Variants in MAN2C1 observed in about 807,000 individuals in gnomAD.
MAN2C1 encodes the protein alpha-mannosidase 2C1.
In MAN2C1, 111 loss-of-function variants were observed where a neutral mutation model predicts 126.9. The ratio of observed to expected loss-of-function variants is 0.87; its 90% confidence interval spans 0.75 to 1.02. The LOEUF (loss-of-function observed/expected upper bound fraction) is 1.02. Ranked by LOEUF, MAN2C1 falls within the 50% of genes least tolerant of loss-of-function variation. MAN2C1 has a pLI of 0.00. For synonymous variants in MAN2C1, 567 were observed against 561.5 expected, an observed-to-expected ratio of 1.01 and a Z score of -0.14; for missense variants, 1,363 against 1,364.4, an observed-to-expected ratio of 1.00 and a Z score of 0.02.
chr15:75,356,837 G>A lies in MAN2C1; in HGVS notation c.2613C>T (p.Cys871=). 6.2e-7 allele frequency: 1 copy of A among 1,614,126 alleles called. No homozygotes were observed. The highest frequency in any genetic ancestry group is 8.5e-7 in the Non-Finnish European group (1 of 1,180,046). ...HGFGLALLND[C]KYGASVRGSI... is the part of the protein sequence containing the mutation. ...TGCCTCGCACTGACGCGCCATACTT[G>A]CAGTCGTTGAGCAGGGCCAGCCCAA... Residue 871 remains cysteine, a synonymous_variant, in exon 22 of 26, where the codon TGC becomes TGT. Coordinates refer to ENST00000267978, the MANE Select transcript of MAN2C1 (RefSeq NM_006715.4). The surrounding 1 kb of genome is among the most constrained non-coding windows in gnomAD (Gnocchi z 5.8).
intron 20 of MAN2C1, 22 bp from the exon 21 acceptor site, chr15:75,358,366 G>C: frequency 1.9e-6 from 3 of 1,613,972 alleles, no homozygotes; most frequent in Non-Finnish European, 2.5e-6. Flanking sequence ...AAGGAGGGTG[G>C]GAGTCAGGGA....
At chr15:75,357,746 AG>A (rs2072364273) in intron 21 of MAN2C1, 1 of 172,484 alleles carries the variant, frequency 5.8e-6, no homozygotes, top group Non-Finnish European at 1.3e-5. Context: ...CAGCCTCCCA[AG>A]TAGCTGGGAC....
chr15:75,362,564 C>T lies in MAN2C1; in HGVS notation c.897+78G>A. On this transcript the variant is annotated intron_variant, in intron 7 of 25. Transcript: ENST00000267978. The surrounding 1 kb of genome is among the most constrained non-coding windows in gnomAD (Gnocchi z 4.5). ...GGTGAGGAGCAGCCCTGACCCCAGG[C>T]CTGGGAAGCCTTCAGGGCCTGTGGA... The T allele has an allele frequency of 6.5e-7, 1 of 1,543,806 alleles. No homozygotes were observed. The highest frequency in any genetic ancestry group is 1.1e-5 in the South Asian group (1 of 87,694).
rs2072486837 is a variant in MAN2C1 at position 75,362,324 on chromosome 15, G to A, written c.1008+19C>T. 6.2e-7 allele frequency: 1 copy of A among 1,603,098 alleles called. No homozygotes were observed. ...TGTTGTCATACAGTTCAAGGCTGAG[G>A]AGTGCCCAGTGCACTTACCATCTCC... On this transcript the variant is annotated intron_variant, in intron 8 of 25. Coordinates refer to ENST00000267978, the MANE Select transcript of MAN2C1 (RefSeq NM_006715.4). The surrounding 1 kb of genome is among the most constrained non-coding windows in gnomAD (Gnocchi z 4.5).
At chr15:75,358,022 T>C in intron 21 of MAN2C1, 179 bp downstream of exon 21, 1 of 753,070 alleles carries the variant, frequency 1.3e-6, no homozygotes. Context: ...CCCAAAGTGC[T>C]GGAATTACAG....
At chr15:75,358,372 A>T (rs1436490581) in intron 20 of MAN2C1, 28 bp from the exon 21 acceptor site, 1 of 1,613,922 alleles carries the variant, frequency 6.2e-7, no homozygotes, top group Admixed American at 1.7e-5. Context: ...GGTGGGAGTC[A>T]GGGAAGGAAG....
rs2072494956 is a variant in MAN2C1 at position 75,362,545 on chromosome 15, G to A, written c.898-92C>T. On this transcript the variant is annotated intron_variant, in intron 7 of 25. Coordinates refer to ENST00000267978, the MANE Select transcript of MAN2C1 (RefSeq NM_006715.4). This position sits in a 1 kb window ranked among gnomAD's most constrained non-coding sequence, Gnocchi z 4.5. ...GACTCAGTGTGTGGCTGAGGGTGAGGAGCAGCCCTGACCCCAGGCCTGGGA... is the reference window on the plus strand; with the variant it reads ...GACTCAGTGTGTGGCTGAGGGTGAGAAGCAGCCCTGACCCCAGGCCTGGGA... 17 of 1,518,602 alleles carry A rather than the reference G, an allele frequency of 1.1e-5. No homozygotes were observed. Among genetic ancestry groups the A allele is most frequent in the Middle Eastern group, 1.8e-4 (1 of 5,566 alleles). The allele number at this position is 1,518,602 out of a possible 1,614,324, so 94.1% of individuals were successfully genotyped here. A position where few individuals can be genotyped will look rare whatever the true frequency, so the allele number is the denominator to read the frequency against.
In MAN2C1 at chr15:75,368,120, G is replaced by A; in HGVS notation, c.180C>T (p.Val60=). Residue 60 remains valine (V), a synonymous_variant, in exon 2 of 26, where the codon GTC becomes GTT. Transcript: ENST00000267978. ...TPERLPYQEA[V]QRDFRPAQVG... is the part of the protein sequence containing the mutation. ...CCTGCGCGGGGCGGAAGTCCCGCTG[G>A]ACTGCCTCCTGGTAGGGAAGTCTCT... 2.5e-6 allele frequency: 4 copies of A among 1,607,190 alleles called. No individual in the cohort carries two copies. The highest frequency in any genetic ancestry group is 3.4e-6 in the Non-Finnish European group (4 of 1,177,764).
chr15:75,362,542 G>A lies in MAN2C1; in HGVS notation c.898-89C>T, dbSNP rs1053630672. 2.6e-6 allele frequency: 4 copies of A among 1,514,594 alleles called. No individual in the cohort carries two copies. In the African/African-American group the frequency reaches 4.1e-5, roughly 16 times the overall value. 93.8% of individuals were successfully genotyped at this position (1,514,594 alleles called of 1,614,324 possible). On this transcript the variant is annotated intron_variant, in intron 7 of 25. Coordinates refer to ENST00000267978, the MANE Select transcript of MAN2C1 (RefSeq NM_006715.4). The surrounding 1 kb of genome is among the most constrained non-coding windows in gnomAD (Gnocchi z 4.5). ...TGGGACTCAGTGTGTGGCTGAGGGTGAGGAGCAGCCCTGACCCCAGGCCTG... is the reference window on the plus strand; with the variant it reads ...TGGGACTCAGTGTGTGGCTGAGGGTAAGGAGCAGCCCTGACCCCAGGCCTG...
chr15:75,364,658 G>T lies in MAN2C1; in HGVS notation c.430C>A (p.Leu144Ile), dbSNP rs2072541436. 6.2e-7 allele frequency: 1 copy of T among 1,609,622 alleles called. No homozygotes were observed. The highest frequency in any genetic ancestry group is 1.3e-5 in the African/African-American group (1 of 74,846). The change falls in exon 5 of 26, where the codon CTC becomes ATC. Residue 144 changes from leucine (L) to isoleucine (I), a missense_variant. Transcript: ENST00000267978. ...CCATTGCAGGCTACTTCCACATAGA[G>T]AGTGAGGCTACAAAGATGGGGAGAC... ...LGERDPRSLT[L>I]YVEVACNGLL...
At chr15:75,368,010 T>G (rs2072614720) in intron 2 of MAN2C1, 63 bp downstream of exon 2, 1 of 1,530,880 alleles carries the variant, frequency 6.5e-7, no homozygotes, top group Non-Finnish European at 8.8e-7. Flanking sequence ...AAGGTGTGGC[T>G]GGGAGCTGGG....
In MAN2C1 at chr15:75,356,263, A is replaced by G. The variant is rs749133192; in HGVS notation, c.2886+38T>C. 1 of 1,612,156 alleles carries G rather than the reference A, an allele frequency of 6.2e-7. No homozygotes were observed. On this transcript the variant is annotated intron_variant, in intron 24 of 25. Transcript: ENST00000267978. This position sits in a 1 kb window ranked among gnomAD's most constrained non-coding sequence, Gnocchi z 5.8. ...GGTGGGAGGGGCCGAGGGCAGGCCC[A>G]GTTCGGAACCCCGTCCCCAGCACGT...
chr15:75,360,591 T>C lies in MAN2C1; in HGVS notation c.1558A>G (p.Asn520Asp). Residue 520 changes from asparagine (N) to aspartate (D), a missense_variant, in exon 13 of 26, where the codon AAT becomes GAT. This residue lies in a region of MAN2C1 where 67 missense variants were observed against 104.5 expected (regional missense o/e 0.64). Coordinates refer to ENST00000267978, the MANE Select transcript of MAN2C1 (RefSeq NM_006715.4). ...TGGGCATGGGTGGTGTATGTGCCATTGTGCAGCTCCAAGAAGAGCTCCCCA... is the reference window on the plus strand; with the variant it reads ...TGGGCATGGGTGGTGTATGTGCCATCGTGCAGCTCCAAGAAGAGCTCCCCA... The part of the protein sequence containing the change: ...WVGELFLELH[N>D]GTYTTHAQIK... 1 of 1,613,816 alleles carries C rather than the reference T, an allele frequency of 6.2e-7. No homozygotes were observed. Among genetic ancestry groups the C allele is most frequent in the Non-Finnish European group, 8.5e-7 (1 of 1,179,972 alleles).
chr15:75,365,871 G>A (rs979086232), intron 4 of MAN2C1: 4 of 380,168 alleles, frequency 1.1e-5, no homozygotes, highest in Non-Finnish European at 2.0e-5. Context: ...GATAACCTGA[G>A]GTCAAGAATT....
chr15:75,368,014 A>G, intron 2 of MAN2C1, 59 bp downstream of exon 2: 1 of 1,535,586 alleles, frequency 6.5e-7, no homozygotes, highest in Non-Finnish European at 8.7e-7. Context: ...TGTGGCTGGG[A>G]GCTGGGTTGG....
At position 75,362,511 on chromosome 15, in the gene MAN2C1, A is replaced by G; in HGVS notation, c.898-58T>C. On this transcript the variant is annotated intron_variant, in intron 7 of 25. Coordinates refer to ENST00000267978, the MANE Select transcript of MAN2C1 (RefSeq NM_006715.4). This position sits in a 1 kb window ranked among gnomAD's most constrained non-coding sequence, Gnocchi z 4.5. ...GTGACAAGGGCCCCACCCAGGACTGAGCATATGGGACTCAGTGTGTGGCTG... is the reference window on the plus strand; with the variant it reads ...GTGACAAGGGCCCCACCCAGGACTGGGCATATGGGACTCAGTGTGTGGCTG... 2 of 1,536,060 alleles carry G rather than the reference A, an allele frequency of 1.3e-6. No individual in the cohort carries two copies. The highest frequency in any genetic ancestry group is 1.8e-6 in the Non-Finnish European group (2 of 1,125,080).
chr15:75,356,866 C>G lies in MAN2C1; in HGVS notation c.2584G>C (p.Gly862Arg). Residue 862 changes from glycine to arginine, a missense_variant, in exon 22 of 26, where the codon GGC becomes CGC. By Grantham distance (125) the Gly-to-Arg change is moderately radical. This residue lies in a region of MAN2C1 where 668 missense variants were observed against 650.1 expected (regional missense o/e 1.03). Transcript: ENST00000267978. The surrounding 1 kb of genome is among the most constrained non-coding windows in gnomAD (Gnocchi z 5.8). ...TCGTTGAGCAGGGCCAGCCCAAAGC[C>G]GTGTTCTGACAGATCCATCCAGCGA... is the stretch of plus-strand genomic sequence containing the variant. Reference protein sequence around the residue: ...AHRWMDLSEHGFGLALLNDCK... With the variant: ...AHRWMDLSEHRFGLALLNDCK... 1.2e-6 allele frequency: 2 copies of G among 1,614,138 alleles called. No homozygotes were observed. The highest frequency in any genetic ancestry group is 1.7e-6 in the Non-Finnish European group (2 of 1,180,030).
Position 75,356,325 on chromosome 15 carries a change from C to A in MAN2C1, c.2862G>T (p.Ala954=), listed in dbSNP as rs202038615. Residue 954 remains alanine, a synonymous_variant, in exon 24 of 26, where the codon GCG becomes GCT. Transcript: ENST00000267978. This position sits in a 1 kb window ranked among gnomAD's most constrained non-coding sequence, Gnocchi z 5.8. ...SWSAFSVSSP[A]VVLETVKQAE... The stretch of plus-strand genomic sequence containing the variant: ...CCTGCTTGACGGTCTCCAATACGAC[C>A]GCGGGTGAAGACACGGAAAACGCAC... The A allele has an allele frequency of 5.0e-6, 8 of 1,611,976 alleles. No individual in the cohort carries two copies. The East Asian group carries it at 1.1e-4, about 22-fold the overall frequency.
At position 75,355,858 on chromosome 15, in the gene MAN2C1, T is replaced by C. The variant is rs2072274703; in HGVS notation, c.*48A>G. ...CTGCTTTAGGCTGGGGAAGCAGAAA[T>C]TAGGAGTCCCCAGAGCCTTCTACAA... On this transcript the variant is annotated 3_prime_UTR_variant, in exon 26 of 26. Coordinates refer to ENST00000267978, the MANE Select transcript of MAN2C1 (RefSeq NM_006715.4). 1.2e-6 allele frequency: 2 copies of C among 1,605,806 alleles called. No individual in the cohort carries two copies. The highest frequency in any genetic ancestry group is 1.1e-5 in the South Asian group (1 of 90,506).
Sources: gnomAD v4.1 joint callset for allele counts on GRCh38, gnomAD v4.1.1 for gene constraint, gnomAD v4.1.1 regional missense constraint, Gnocchi (gnomAD v3.1) non-coding constraint, MANE v1.5 for transcripts, NCBI Gene and HGNC (gene_info 2026-07-23, HGNC 2026-07-21) for gene names.